ALDH7A1: variants seen among roughly 807,000 people sequenced by gnomAD.
ALDH7A1 encodes aldehyde dehydrogenase 7 family member A1, also known as alpha-aminoadipic semialdehyde dehydrogenase.
A neutral mutation model predicts 79.9 loss-of-function variants in ALDH7A1; 63 were observed. That is an observed-to-expected ratio of 0.79 (90% confidence interval 0.64 to 0.97). ALDH7A1 has a LOEUF of 0.97. Among genes scored for constraint, ALDH7A1 ranks in the 50% least tolerant of loss-of-function variants. The pLI is 0.00. For synonymous variants in ALDH7A1, 240 were observed against 231.2 expected (o/e 1.04, Z -0.34); for missense variants, 627 against 665.2 (o/e 0.94, Z 0.63).
Position 126,554,276 on chromosome 5 carries a change from G to A in ALDH7A1, c.1200+11C>T, listed in dbSNP as rs746982081. On this transcript the variant is annotated intron_variant, in intron 13 of 17. Coordinates refer to ENST00000409134, the MANE Select transcript of ALDH7A1 (RefSeq NM_001182.5). Reference sequence around the variant, plus strand: ...AAAAGCTGTCACAATTGATCTCAGAGCATCCCTTACCTTGCCCCCATAGAC... The same window carrying A: ...AAAAGCTGTCACAATTGATCTCAGAACATCCCTTACCTTGCCCCCATAGAC... The A allele has an allele frequency of 1.2e-6, 2 of 1,609,972 alleles. No homozygotes were observed. The highest frequency in any genetic ancestry group is 1.7e-6 in the Non-Finnish European group (2 of 1,176,692).
chr5:126,553,601 A>T (rs573666344), intron 13 of ALDH7A1, among the ~76,000 whole-genome samples: 2 of 152,190 alleles, frequency 1.3e-5, no homozygotes, highest in African/African-American at 4.8e-5. Flanking sequence ...AATCCCAGCT[A>T]CTCGGGAGGC....
intron 4 of ALDH7A1, 69 bp downstream of exon 4, chr5:126,583,863 T>C (rs1751259457): frequency 3.1e-6 from 4 of 1,306,224 alleles, no homozygotes; most frequent in Admixed American, 1.8e-5. Flanking sequence ...CACAATTTTA[T>C]ATATAGAAAA....
intron 1 of ALDH7A1, among the ~76,000 whole-genome samples, chr5:126,594,677 C>T (rs1366218493): frequency 1.3e-5 from 2 of 151,932 alleles, no homozygotes; most frequent in Non-Finnish European, 2.9e-5. Context: ...AACTCGCTAC[C>T]TCAGGTGATC....
At chr5:126,582,449 A>T (rs1751209442) in intron 5 of ALDH7A1, among the ~76,000 whole-genome samples, 1 of 152,240 alleles carries the variant, frequency 6.6e-6, no homozygotes, top group East Asian at 1.9e-4. Context: ...TCCCCTTATG[A>T]TTCGACATTT....
intron 3 of ALDH7A1, 142 bp downstream of exon 3, chr5:126,592,522 C>T (rs1006465186): frequency 7.5e-6 from 6 of 799,082 alleles, no homozygotes; most frequent in Non-Finnish European, 1.3e-5. Context: ...ACAGCAGGAG[C>T]CCTAGTACAG....
chr5:126,591,927 C>CTTT (rs535978673), intron 3 of ALDH7A1: 21 of 131,272 alleles, frequency 1.6e-4, no homozygotes, highest in Admixed American at 3.9e-4. Flanking sequence ...TGCCACTGCT[C>CTTT]TTTTTTTTTT....
Position 126,578,409 on chromosome 5 carries a change from C to A in ALDH7A1, c.518-1198G>T, listed in dbSNP as rs187908347. Reference sequence around the variant, plus strand: ...CTACAATGTCCAGCACTTTGGGATGCTGGGACGGGAGAATCACTTGAGCTC... The same window carrying A: ...CTACAATGTCCAGCACTTTGGGATGATGGGACGGGAGAATCACTTGAGCTC... On this transcript the variant is annotated intron_variant, in intron 5 of 17. Transcript: ENST00000409134. 1.1e-4 allele frequency among the ~76,000 whole-genome samples: 17 copies of A among 152,172 alleles called. No homozygotes were observed. In the East Asian group the frequency reaches 3.3e-3, roughly 29 times the overall value.
chr5:126,547,887 T>TA (rs563354303), intron 16 of ALDH7A1, among the ~76,000 whole-genome samples: 4 of 151,654 alleles, frequency 2.6e-5, no homozygotes, highest in Non-Finnish European at 4.4e-5. Flanking sequence ...CCATCTCTAC[T>TA]AAAAAAATAC....
chr5:126,558,877 A>G (rs1275983182), intron 11 of ALDH7A1, among the ~76,000 whole-genome samples: 2 of 151,982 alleles, frequency 1.3e-5, no homozygotes, highest in Non-Finnish European at 2.9e-5. Flanking sequence ...AAAGTGCAAG[A>G]CTCTATTTTT....
intron 12 of ALDH7A1, 68 bp downstream of exon 12, chr5:126,555,863 G>A (rs922950825): frequency 2.1e-5 from 28 of 1,303,386 alleles, no homozygotes; most frequent in Non-Finnish European, 3.0e-5. Context: ...CCAAAACTCA[G>A]ATCAGAAACA....
intron 7 of ALDH7A1, among the ~76,000 whole-genome samples, chr5:126,573,318 T>C (rs1750843427): frequency 6.6e-6 from 1 of 150,590 alleles, no homozygotes; most frequent in Non-Finnish European, 1.5e-5. Context: ...CCTAGCACTT[T>C]GGGAGGCCGA....
chr5:126,570,777 C>T lies in ALDH7A1; in HGVS notation c.773+5G>A, dbSNP rs1131691580. 6.2e-7 allele frequency: 1 copy of T among 1,613,900 alleles called. No individual in the cohort carries two copies. The highest frequency in any genetic ancestry group is 8.5e-7 in the Non-Finnish European group (1 of 1,179,824). The stretch of plus-strand genomic sequence containing the variant: ...ACAGAGGATGCTCTCAGCCTAGTAA[C>T]CTACCCAATATCTGCTCCACCACAA... On this transcript the variant is annotated splice_donor_5th_base_variant and intron_variant, in intron 8 of 17. Coordinates refer to ENST00000409134, the MANE Select transcript of ALDH7A1 (RefSeq NM_001182.5).
chr5:126,592,383 G>T (rs1475391596), intron 3 of ALDH7A1: 1 of 412,240 alleles, frequency 2.4e-6, no homozygotes, highest in East Asian at 4.2e-5. Context: ...TTTCAGTGAA[G>T]AATAGTGTTC....
intron 5 of ALDH7A1, among the ~76,000 whole-genome samples, chr5:126,580,322 C>T (rs535628483): frequency 1.2e-3 from 189 of 152,168 alleles, no homozygotes; most frequent in African/African-American, 4.2e-3. Flanking sequence ...GTCTTAAACT[C>T]CCGACCTTAA....
intron 10 of ALDH7A1, among the ~76,000 whole-genome samples, chr5:126,559,744 A>G (rs1381175038): frequency 5.3e-5 from 8 of 152,016 alleles, no homozygotes; most frequent in Non-Finnish European, 1.2e-4. Context: ...ACGTTTTTAT[A>G]AAGTGCAGTA....
At chr5:126,577,836 G>A (rs546716858) in intron 5 of ALDH7A1, among the ~76,000 whole-genome samples, 1 of 151,828 alleles carries the variant, frequency 6.6e-6, no homozygotes, top group Non-Finnish European at 1.5e-5. Context: ...AAAGTGCTGG[G>A]ATTACAGGAG....
chr5:126,591,503 C>T (rs775458929), intron 3 of ALDH7A1, among the ~76,000 whole-genome samples: 3 of 151,168 alleles, frequency 2.0e-5, no homozygotes, highest in Admixed American at 6.6e-5. Flanking sequence ...AATACTGCAG[C>T]TCAGTAGTCC....
intron 5 of ALDH7A1, among the ~76,000 whole-genome samples, chr5:126,580,427 T>C (rs1229324333): frequency 1.3e-5 from 2 of 152,086 alleles, no homozygotes; most frequent in African/African-American, 4.8e-5. Flanking sequence ...AAAAAAACTC[T>C]TGAAAGTGTT....
chr5:126,575,983 A>AG (rs1750950856), intron 6 of ALDH7A1, among the ~76,000 whole-genome samples: 1 of 152,102 alleles, frequency 6.6e-6, no homozygotes, highest in Admixed American at 6.6e-5. Context: ...GTGGACAGGC[A>AG]GGGCGCGGTG....
Sources: allele counts gnomAD v4.1 joint callset (sites outside exome capture counted in the v4.1 genomes callset), GRCh38; gene constraint gnomAD v4.1.1; transcripts MANE v1.5; gene names NCBI Gene and HGNC (gene_info 2026-07-23, HGNC 2026-07-21).